The following INPP5A variants were observed in gnomAD, a reference collection of about 807,000 sequenced individuals.
The protein encoded by INPP5A is inositol polyphosphate-5-phosphatase A, also known as 43 kDa inositol polyphosphate 5-phophatase.
INPP5A carries 14 observed loss-of-function variants against 65.2 expected under a neutral mutation model. The ratio of observed to expected loss-of-function variants is 0.21; its 90% CI spans 0.14 to 0.34. The LOEUF (loss-of-function observed/expected upper bound fraction) is 0.34, where lower values mean the gene tolerates loss of function less well. INPP5A is among the 10% of genes least tolerant of loss of function. The pLI is 1.00. For missense variants in INPP5A, 431 were observed against 545.6 expected (o/e 0.79, Z 2.09); for synonymous variants, 207 against 208.3 (o/e 0.99, Z 0.05).
At chr10:132,590,139 T>A (rs1376838633) in intron 1 of INPP5A, among the ~76,000 whole-genome samples, 1 of 152,160 alleles carries the variant, frequency 6.6e-6, no homozygotes, top group Non-Finnish European at 1.5e-5. Context: ...AAATAATTGG[T>A]CAAGGTATGT....
At chr10:132,669,071 G>A (rs1220633970) in intron 4 of INPP5A, among the ~76,000 whole-genome samples, 1 of 152,138 alleles carries the variant, frequency 6.6e-6, no homozygotes, top group Non-Finnish European at 1.5e-5. Context: ...TGCCAACATG[G>A]TGAAACCCCG....
intron 8 of INPP5A, 67 bp from the exon 9 acceptor site, chr10:132,726,754 C>G (rs1845992222): frequency 2.7e-6 from 3 of 1,120,862 alleles, no homozygotes; most frequent in Admixed American, 1.9e-5. Flanking sequence ...TGGAGGAGCA[C>G]CGGGGCCGGG....
rs369623600 is a variant in INPP5A at position 132,741,770 on chromosome 10, A to G, written c.733-7747A>G. The stretch of plus-strand genomic sequence containing the variant: ...GCCGACGTAAACTGAGGTGGACGTC[A>G]GTGTCCGCGTCCGCTTGCTTTACTC... On this transcript the variant is annotated intron_variant, in intron 9 of 15. Coordinates refer to ENST00000368594, the MANE Select transcript of INPP5A (RefSeq NM_005539.5). The surrounding 1 kb of genome is among the most constrained non-coding windows in gnomAD (Gnocchi z 4.4). 1.6e-3 allele frequency among the ~76,000 whole-genome samples: 49 copies of G among 30,526 alleles called. 7 individuals are homozygous for G. Among genetic ancestry groups the G allele is most frequent in the Admixed American group, 0.013 (24 of 1,858 alleles). The allele number at this position is 30,526 out of a possible 152,430, so 20.0% of individuals were successfully genotyped here.
intron 4 of INPP5A, among the ~76,000 whole-genome samples, chr10:132,667,149 G>A (rs1307390036): frequency 6.6e-6 from 1 of 152,196 alleles, no homozygotes; most frequent in Non-Finnish European, 1.5e-5. Context: ...TGATGTGCTT[G>A]TCTAATAAAT....
At chr10:132,629,836 C>T (rs2133371787) in intron 2 of INPP5A, among the ~76,000 whole-genome samples, 1 of 151,874 alleles carries the variant, frequency 6.6e-6, no homozygotes, top group South Asian at 2.1e-4. Flanking sequence ...GGAGGGGTGT[C>T]CACAAGGGCA....
chr10:132,669,988 A>C (rs1590911340), intron 4 of INPP5A, among the ~76,000 whole-genome samples: 3 of 148,136 alleles, frequency 2.0e-5, no homozygotes, highest in East Asian at 4.1e-4. Context: ...AGGGTCACCA[A>C]CCTCTTTGCA....
intron 1 of INPP5A, among the ~76,000 whole-genome samples, chr10:132,572,241 G>T (rs960451257): frequency 1.3e-5 from 2 of 152,212 alleles, no homozygotes; most frequent in Non-Finnish European, 2.9e-5. Context: ...TGGCCCATGG[G>T]GGGGCCTTCA....
intron 6 of INPP5A, among the ~76,000 whole-genome samples, chr10:132,699,226 G>A (rs909611326): frequency 3.3e-5 from 5 of 152,176 alleles, no homozygotes; most frequent in African/African-American, 1.2e-4. Context: ...CCGTCGGAAG[G>A]GCAGGGTGGG....
At chr10:132,595,075 T>G (rs1247989648) in intron 1 of INPP5A, among the ~76,000 whole-genome samples, 2 of 152,240 alleles carry the variant, frequency 1.3e-5, no homozygotes, top group Non-Finnish European at 2.9e-5. Flanking sequence ...CTTTGGGCGT[T>G]TTTTTCTGTC....
chr10:132,643,408 GGAGATCACTC>G (rs1365954614), intron 2 of INPP5A, among the ~76,000 whole-genome samples: 1 of 152,128 alleles, frequency 6.6e-6, no homozygotes, highest in African/African-American at 2.4e-5. Context: ...GGCTGAGGTG[GGAGATCACTC>G]GAGCCCAGGA....
At chr10:132,723,467 ATGTGGGGATTGGCCG>A (rs1313001561) in intron 8 of INPP5A, among the ~76,000 whole-genome samples, 3,409 of 120,694 alleles carry the variant, frequency 0.028, 208 homozygotes, top group African/African-American at 0.11. Flanking sequence ...GGGATTGGCC[ATGTGGGGATTGGCCG>A]TGTGGGGATT....
intron 12 of INPP5A, among the ~76,000 whole-genome samples, chr10:132,773,199 GA>G (rs960648455): frequency 6.6e-6 from 1 of 152,234 alleles, no homozygotes; most frequent in African/African-American, 2.4e-5. Flanking sequence ...AAAATAAATG[GA>G]AAAGTTTAGA....
chr10:132,632,332 C>T (rs909636533), intron 2 of INPP5A, among the ~76,000 whole-genome samples: 4 of 152,218 alleles, frequency 2.6e-5, no homozygotes, highest in Admixed American at 1.3e-4. Context: ...GATGCCAGGG[C>T]GCCTGTGTCC....
In INPP5A at chr10:132,710,414, A is replaced by G. The variant is rs146448264; in HGVS notation, c.605A>G (p.Tyr202Cys). ...LVAWETSPSV[Y>C]SGIRHKALGY... is the part of the protein sequence containing the mutation. ...GCCTGGGAAACAAGCCCTTCCGTGTACTCGGGAATCCGGCACAAGGCACTG... is the reference window on the plus strand; with the variant it reads ...GCCTGGGAAACAAGCCCTTCCGTGTGCTCGGGAATCCGGCACAAGGCACTG... The change falls in exon 8 of 16, where the codon TAC becomes TGC. Residue 202 changes from tyrosine to cysteine, a missense_variant. Physicochemically the swap from Tyr to Cys is radical, Grantham distance 194 (BLOSUM62 -2). Coordinates refer to ENST00000368594, the MANE Select transcript of INPP5A (RefSeq NM_005539.5). The G allele has an allele frequency of 6.2e-7, 1 of 1,614,022 alleles. No homozygotes were observed. Among genetic ancestry groups the G allele is most frequent in the African/African-American group, 1.3e-5 (1 of 75,048 alleles).
chr10:132,559,176 C>T (rs1041923548), intron 1 of INPP5A, among the ~76,000 whole-genome samples: 8 of 152,294 alleles, frequency 5.3e-5, no homozygotes, highest in South Asian at 2.1e-4. Flanking sequence ...GAAGGCTGCC[C>T]GCCGCTCGGG....
At chr10:132,570,435 G>A (rs999235725) in intron 1 of INPP5A, among the ~76,000 whole-genome samples, 1 of 152,108 alleles carries the variant, frequency 6.6e-6, no homozygotes, top group African/African-American at 2.4e-5. Context: ...TTTTCCTTCC[G>A]ACGAGGTATG....
chr10:132,639,902 G>T (rs935487153), intron 2 of INPP5A, among the ~76,000 whole-genome samples: 2 of 152,102 alleles, frequency 1.3e-5, no homozygotes, highest in Non-Finnish European at 2.9e-5. Context: ...AATGTTTTTA[G>T]TTTTTGAAAT....
intron 4 of INPP5A, among the ~76,000 whole-genome samples, chr10:132,657,521 C>T (rs1342627240): frequency 2.0e-5 from 3 of 152,212 alleles, no homozygotes; most frequent in African/African-American, 4.8e-5. Context: ...GGCAGGCTCT[C>T]GGCATGGCCC....
chr10:132,651,943 A>G lies in INPP5A; in HGVS notation c.306+1438A>G, dbSNP rs1035950802. Among the ~76,000 whole-genome samples, 43 of 152,190 alleles carry G rather than the reference A, an allele frequency of 2.8e-4. No individual in the cohort carries two copies. The Middle Eastern group carries it at 0.01, about 36-fold the overall frequency. The stretch of plus-strand genomic sequence containing the variant: ...CTCACGCTCTGTGGGGCACACGGGG[A>G]CCACGGGGCCCCCACTCACACCAGA... On this transcript the variant is annotated intron_variant, in intron 4 of 15. Transcript: ENST00000368594. The surrounding 1 kb of genome is among the most constrained non-coding windows in gnomAD (Gnocchi z 5.0).
Sources: gnomAD v4.1 joint callset for allele counts (sites outside exome capture counted in the v4.1 genomes callset) on GRCh38, gnomAD v4.1.1 for gene constraint, Gnocchi (gnomAD v3.1) non-coding constraint, MANE v1.5 for transcripts, NCBI Gene and HGNC (gene_info 2026-07-23, HGNC 2026-07-21) for gene names.